SLC14A2: variants seen among roughly 807,000 people sequenced by gnomAD.
SLC14A2 encodes the protein urea transporter 2.
In SLC14A2, 91 loss-of-function variants were observed where a neutral mutation model predicts 104.6. That is an observed-to-expected ratio of 0.87 (90% CI 0.73 to 1.04). SLC14A2 has a LOEUF of 1.04. SLC14A2 is among the 50% of genes least tolerant of loss of function. The pLI is 0.00. For missense variants in SLC14A2, 1,189 were observed against 1,156.0 expected, an observed-to-expected ratio of 1.03 and a Z score of -0.41; for synonymous variants, 476 against 466.4, an observed-to-expected ratio of 1.02 and a Z score of -0.27.
chr18:45,581,554 G>A (rs962211433), intron 2 of SLC14A2, among the ~76,000 whole-genome samples: 2 of 152,176 alleles, frequency 1.3e-5, no homozygotes, highest in African/African-American at 4.8e-5. Context: ...CAAGGGCCCT[G>A]AGTCTTACAG....
intron 1 of SLC14A2, among the ~76,000 whole-genome samples, chr18:45,441,884 T>C (rs926258674): frequency 1.3e-5 from 2 of 152,182 alleles, no homozygotes; most frequent in Admixed American, 6.5e-5. Flanking sequence ...TCTAATGTCA[T>C]CCCTTGGCAT....
chr18:45,612,984 G>A (rs1034047379), upstream of SLC14A2, among the ~76,000 whole-genome samples: 3 of 152,068 alleles, frequency 2.0e-5, no homozygotes, highest in African/African-American at 7.2e-5. Context: ...TTGTGGAAAT[G>A]TGAGTCAATT....
chr18:45,186,283 A>C, the SLC14A2 span, among the ~76,000 whole-genome samples: 1 of 152,240 alleles, frequency 6.6e-6, no homozygotes, highest in African/African-American at 2.4e-5. Context: ...CAGGTCAATA[A>C]GACAGGACAG....
intron 2 of SLC14A2, among the ~76,000 whole-genome samples, chr18:45,592,984 A>G (rs2044669594): frequency 6.6e-6 from 1 of 152,190 alleles, no homozygotes; most frequent in Non-Finnish European, 1.5e-5. Flanking sequence ...TTGTCAAACA[A>G]CTAAAGATCC....
chr18:45,463,558 G>A lies in SLC14A2; in HGVS notation c.-124-19675G>A, dbSNP rs1049971942. Among the ~76,000 whole-genome samples, 4 of 152,218 alleles carry A rather than the reference G, an allele frequency of 2.6e-5. No individual in the cohort carries two copies. In the South Asian group the frequency reaches 6.2e-4, roughly 24 times the overall value. ...ACATCTTCACATTTGACACATGCAG[G>A]GAGCATGGGTGGTTGTAGCCAGGTT... On this transcript the variant is annotated intron_variant, in intron 1 of 20. Transcript: ENST00000586448.
chr18:45,194,437 A>G, the SLC14A2 span, among the ~76,000 whole-genome samples: 1 of 152,104 alleles, frequency 6.6e-6, no homozygotes, highest in Non-Finnish European at 1.5e-5. Context: ...GGAAATGATC[A>G]TGTGGTTTAT....
chr18:45,672,136 C>G (rs562957740), intron 16 of SLC14A2, among the ~76,000 whole-genome samples: 2 of 152,322 alleles, frequency 1.3e-5, no homozygotes, highest in East Asian at 3.9e-4. Flanking sequence ...CTCCTCCAGA[C>G]CTTACTAACA....
At chr18:45,395,140 A>G (rs891868512) in intron 1 of SLC14A2, among the ~76,000 whole-genome samples, 58 of 152,316 alleles carry the variant, frequency 3.8e-4, no homozygotes, top group African/African-American at 1.4e-3. Flanking sequence ...CTAAATGTCC[A>G]TCAATGGATG....
intron 1 of SLC14A2, among the ~76,000 whole-genome samples, chr18:45,431,951 G>A (rs921660061): frequency 1.3e-5 from 2 of 152,140 alleles, no homozygotes; most frequent in Non-Finnish European, 2.9e-5. Context: ...CTTTTGTTAG[G>A]TGATTTGACA....
At chr18:45,180,774 G>A in the SLC14A2 span, among the ~76,000 whole-genome samples, 10 of 152,122 alleles carry the variant, frequency 6.6e-5, 1 homozygote, top group South Asian at 1.7e-3. Flanking sequence ...TTTGAAAAAC[G>A]GAAGAATTCA....
intron 1 of SLC14A2, among the ~76,000 whole-genome samples, chr18:45,365,225 A>G (rs1355505074): frequency 6.6e-6 from 1 of 152,228 alleles, no homozygotes; most frequent in East Asian, 1.9e-4. Flanking sequence ...AATTCTGGGT[A>G]TAGGTCCCAA....
chr18:45,491,508 G>A (rs138367774), intron 2 of SLC14A2, among the ~76,000 whole-genome samples: 4 of 152,312 alleles, frequency 2.6e-5, no homozygotes, highest in East Asian at 3.9e-4. Context: ...AAAAGGGTGC[G>A]ATAGTACCTA....
At chr18:45,336,652 T>C (rs970567452) in intron 1 of SLC14A2, among the ~76,000 whole-genome samples, 3 of 152,162 alleles carry the variant, frequency 2.0e-5, no homozygotes, top group Non-Finnish European at 4.4e-5. Context: ...CTGGAGGATA[T>C]GTATTGGCCT....
chr18:45,490,708 G>C (rs1274798491), intron 2 of SLC14A2, among the ~76,000 whole-genome samples: 1 of 152,182 alleles, frequency 6.6e-6, no homozygotes, highest in South Asian at 2.1e-4. Context: ...CAATGCATGT[G>C]ACCTAAAAAG....
the SLC14A2 span, among the ~76,000 whole-genome samples, chr18:45,207,413 AAG>A: frequency 1.1e-3 from 172 of 150,524 alleles, no homozygotes; most frequent in South Asian, 1.7e-3. Context: ...AAGAGAGAGA[AAG>A]AGAGAAAGAA....
In SLC14A2 at chr18:45,644,113, T is replaced by C. The variant is rs772350995; in HGVS notation, c.1304T>C (p.Ile435Thr). 2.5e-6 allele frequency: 4 copies of C among 1,614,198 alleles called. No homozygotes were observed. Among genetic ancestry groups the C allele is most frequent in the Admixed American group, 1.7e-5 (1 of 60,034 alleles). The change falls in exon 10 of 20, where the codon ATC becomes ACC. Residue 435 changes from isoleucine to threonine, a missense_variant. Coordinates refer to ENST00000255226, the MANE Select transcript of SLC14A2 (RefSeq NM_007163.4). ...SKVTYPEANR[I>T]YYLTVKSGEE... ...GTCACCTACCCCGAGGCCAACCGCA[T>C]CTACTACCTGACAGTGAAAAGCGGT...
At chr18:45,185,033 A>C in the SLC14A2 span, among the ~76,000 whole-genome samples, 5 of 152,300 alleles carry the variant, frequency 3.3e-5, no homozygotes, top group African/African-American at 9.6e-5. Context: ...ATTGATGGGA[A>C]GTAGGAGTGA....
chr18:45,657,089 C>T (rs2045849045), intron 10 of SLC14A2, among the ~76,000 whole-genome samples: 1 of 152,140 alleles, frequency 6.6e-6, no homozygotes, highest in South Asian at 2.1e-4. Flanking sequence ...TGGGGTTTTT[C>T]TTGAGGAAAG....
intron 1 of SLC14A2, among the ~76,000 whole-genome samples, chr18:45,262,645 T>G (rs987132020): frequency 6.6e-6 from 1 of 152,176 alleles, no homozygotes; most frequent in Admixed American, 6.5e-5. Flanking sequence ...TAAGATCCCC[T>G]TCCTGGTAAT....
Sources: gnomAD v4.1 joint callset for allele counts (sites outside exome capture counted in the v4.1 genomes callset) on GRCh38, gnomAD v4.1.1 for gene constraint, MANE v1.5 for transcripts, NCBI Gene and HGNC (gene_info 2026-07-23, HGNC 2026-07-21) for gene names.